The following DNAAF9 variants were observed in gnomAD, a reference collection of about 807,000 sequenced individuals.
DNAAF9 encodes shulin.
DNAAF9 carries 90 observed loss-of-function variants against 167.0 expected under a neutral mutation model. The observed-to-expected ratio is 0.54, with a 90% CI of 0.45 to 0.64. The LOEUF (loss-of-function observed/expected upper bound fraction) is 0.64. Among genes scored for constraint, DNAAF9 ranks in the 30% least tolerant of loss-of-function variants. DNAAF9 has a pLI of 0.00. For missense variants in DNAAF9, 1,315 were observed against 1,442.2 expected (o/e 0.91, Z 1.43); for synonymous variants, 491 against 508.8 (o/e 0.96, Z 0.47).
intron 36 of DNAAF9, among the ~76,000 whole-genome samples, chr20:3,253,170 G>A (rs924388008): frequency 9.2e-5 from 14 of 152,058 alleles, no homozygotes; most frequent in Non-Finnish European, 5.9e-5. Context: ...AGCTGGGCGC[G>A]GTGGCTCATG....
At chr20:3,395,017 G>A (rs1279111075) in intron 1 of DNAAF9, among the ~76,000 whole-genome samples, 1 of 123,144 alleles carries the variant, frequency 8.1e-6, no homozygotes, top group African/African-American at 3.4e-5. Context: ...GCCCAGGCTG[G>A]AGTGCAGTGG....
At chr20:3,290,787 C>G (rs1256533611) in intron 25 of DNAAF9, among the ~76,000 whole-genome samples, 1 of 135,326 alleles carries the variant, frequency 7.4e-6, no homozygotes, top group African/African-American at 2.8e-5. Context: ...AGGGCTAAGT[C>G]TTTTTTTTTT....
chr20:3,303,585 T>C (rs1289218469), intron 21 of DNAAF9, among the ~76,000 whole-genome samples: 1 of 152,244 alleles, frequency 6.6e-6, no homozygotes, highest in Non-Finnish European at 1.5e-5. Context: ...CCAATTGGTC[T>C]GCCTACATTT....
At chr20:3,296,609 GT>G in intron 23 of DNAAF9, 1 of 455,394 alleles carries the variant, frequency 2.2e-6, no homozygotes, top group Non-Finnish European at 3.9e-6. Flanking sequence ...TCTAATTCTT[GT>G]GCTCAATTCA....
intron 20 of DNAAF9, among the ~76,000 whole-genome samples, chr20:3,313,561 G>A (rs1001185722): frequency 1.3e-5 from 2 of 152,208 alleles, no homozygotes; most frequent in Admixed American, 1.3e-4. Flanking sequence ...GAAAGAACAG[G>A]AGTCATAAGA....
chr20:3,370,017 A>G (rs1011160503), intron 6 of DNAAF9, among the ~76,000 whole-genome samples: 1 of 152,152 alleles, frequency 6.6e-6, no homozygotes, highest in African/African-American at 2.4e-5. Flanking sequence ...CTGCTGTTTA[A>G]TCAAATGTCT....
At chr20:3,399,009 AACAC>A (rs1193727424) in intron 1 of DNAAF9, among the ~76,000 whole-genome samples, 1 of 152,228 alleles carries the variant, frequency 6.6e-6, no homozygotes, top group Non-Finnish European at 1.5e-5. Flanking sequence ...TGAAGGGACA[AACAC>A]ACACATATGA....
chr20:3,344,910 G>A (rs2070164403), intron 8 of DNAAF9, among the ~76,000 whole-genome samples: 1 of 152,020 alleles, frequency 6.6e-6, no homozygotes, highest in African/African-American at 2.4e-5. Flanking sequence ...ATACCCCTTG[G>A]CATTTTTAAT....
rs774982515 is a variant in DNAAF9, at chr20:3,294,523, C to A, written c.2120+5G>T. ...TAAACATCTATAAACAGAACCAGAG[C>A]TTACCAGTCCAGCTCTGGGAGTTTG... On this transcript the variant is annotated splice_donor_5th_base_variant and intron_variant, in intron 24 of 36. Transcript: ENST00000252032. The A allele has an allele frequency of 1.9e-6, 3 of 1,586,662 alleles. No individual in the cohort carries two copies. In the South Asian group the frequency reaches 3.3e-5, roughly 18 times the overall value.
At chr20:3,373,061 A>C (rs1275461333) in intron 6 of DNAAF9, among the ~76,000 whole-genome samples, 1 of 152,180 alleles carries the variant, frequency 6.6e-6, no homozygotes, top group Non-Finnish European at 1.5e-5. Context: ...ATGTTCTGCT[A>C]CTTGTAGTCA....
At chr20:3,368,956 C>A (rs1403048845) in intron 6 of DNAAF9, among the ~76,000 whole-genome samples, 1 of 82 alleles carries the variant, frequency 0.012, no homozygotes, top group Non-Finnish European at 0.029. Context: ...ACAAGGTGAA[C>A]CCCATTTCTC....
At chr20:3,372,229 TAG>T (rs1262355980) in intron 6 of DNAAF9, among the ~76,000 whole-genome samples, 1 of 152,028 alleles carries the variant, frequency 6.6e-6, no homozygotes, top group African/African-American at 2.4e-5. Flanking sequence ...CAGAGTGGAG[TAG>T]AGAGGGCACT....
chr20:3,387,884 TAA>T lies in DNAAF9; in HGVS notation c.84-5380_84-5379del, dbSNP rs557861791. On this transcript the variant is annotated intron_variant, in intron 1 of 36. Coordinates refer to ENST00000252032, the MANE Select transcript of DNAAF9 (RefSeq NM_001009984.3). Reference sequence around the variant, plus strand: ...AGGGAGACCCTGTCTCTACAAAAAGTAAAAAAAAAAAAAAAAAAAAAAAAAAA... The same window carrying T: ...AGGGAGACCCTGTCTCTACAAAAAGTAAAAAAAAAAAAAAAAAAAAAAAAA... Among the ~76,000 whole-genome samples, 726 of 87,232 alleles carry T rather than the reference TAA, an allele frequency of 8.3e-3. 4 individuals carry two copies. The highest frequency in any genetic ancestry group is 0.033 in the African/African-American group (674 of 20,658). The allele number at this position is 87,232 out of a possible 152,430, so 57.2% of individuals were successfully genotyped here.
chr20:3,406,341 ACCT>A (rs2084054694), intron 1 of DNAAF9, among the ~76,000 whole-genome samples: 1 of 152,192 alleles, frequency 6.6e-6, no homozygotes, highest in African/African-American at 2.4e-5. Context: ...TAGATTGGCA[ACCT>A]CCTTTCAAGG....
chr20:3,386,067 AC>A (rs1369750455), intron 1 of DNAAF9, among the ~76,000 whole-genome samples: 1 of 152,200 alleles, frequency 6.6e-6, no homozygotes. Flanking sequence ...TGGGAGGATC[AC>A]TTGAGTTCAG....
intron 16 of DNAAF9, among the ~76,000 whole-genome samples, chr20:3,321,531 G>T (rs1476469851): frequency 6.6e-6 from 1 of 152,132 alleles, no homozygotes; most frequent in East Asian, 1.9e-4. Flanking sequence ...GTCCTTTTGT[G>T]GTACAGGACT....
intron 8 of DNAAF9, 68 bp from the exon 9 acceptor site, chr20:3,343,799 A>C: frequency 1.7e-6 from 2 of 1,146,272 alleles, no homozygotes; most frequent in Non-Finnish European, 2.6e-6. Context: ...AACCCCTCAC[A>C]TATGTATGTA....
chr20:3,312,635 T>C (rs2069434664), intron 20 of DNAAF9, among the ~76,000 whole-genome samples: 1 of 152,096 alleles, frequency 6.6e-6, no homozygotes, highest in Non-Finnish European at 1.5e-5. Context: ...CTAAAGACAC[T>C]TGAACTTCAG....
chr20:3,376,226 A>G lies in DNAAF9; in HGVS notation c.360T>C (p.Tyr120=), dbSNP rs1215422821. ...NPVNFRYLLP[Y]VAHWRNLHFH... is the part of the protein sequence containing the mutation. ...AATGCAGATTTCTCCAATGTGCCAC[A>G]TAAGGTAAGAGATAGCGAAAGTTTA... The change falls in exon 4 of 37, where the codon TAT becomes TAC. Residue 120 remains tyrosine (Y), a synonymous_variant. Coordinates refer to ENST00000252032, the MANE Select transcript of DNAAF9 (RefSeq NM_001009984.3). The G allele has an allele frequency of 3.7e-6, 6 of 1,613,728 alleles. No homozygotes were observed. Among genetic ancestry groups the G allele is most frequent in the African/African-American group, 1.3e-5 (1 of 74,914 alleles).
Sources: gnomAD v4.1 joint callset for allele counts (sites outside exome capture counted in the v4.1 genomes callset) on GRCh38, gnomAD v4.1.1 for gene constraint, MANE v1.5 for transcripts, NCBI Gene and HGNC (gene_info 2026-07-23, HGNC 2026-07-21) for gene names.